CRTAC1: variants seen among roughly 807,000 people sequenced by gnomAD.
CRTAC1 encodes acidic secreted protein in cartilage.
In CRTAC1, 37 loss-of-function variants were observed where a neutral mutation model predicts 67.8. The observed-to-expected ratio is 0.55, with a 90% CI of 0.42 to 0.72. The LOEUF (loss-of-function observed/expected upper bound fraction) is 0.72, where lower values mean the gene tolerates loss of function less well. Ranked by LOEUF, CRTAC1 falls within the 30% of genes least tolerant of loss-of-function variation. CRTAC1 has a pLI of 0.00. For missense variants in CRTAC1, 780 were observed against 931.6 expected, an observed-to-expected ratio of 0.84 and a Z score of 2.12; for synonymous variants, 348 against 371.0, an observed-to-expected ratio of 0.94 and a Z score of 0.71.
At chr10:97,887,931 C>T (rs1354019860) in intron 11 of CRTAC1, among the ~76,000 whole-genome samples, 1 of 152,274 alleles carries the variant, frequency 6.6e-6, no homozygotes, top group Non-Finnish European at 1.5e-5. Context: ...GTACCAAGTG[C>T]TTTATGATGC....
rs910679544 is a variant in CRTAC1, at chr10:97,966,234, C to T, written c.225-29868G>A. Among the ~76,000 whole-genome samples the T allele has an allele frequency of 9.8e-5, 15 of 152,296 alleles. No individual in the cohort carries two copies. The South Asian group carries it at 1.5e-3, about 15-fold the overall frequency. On this transcript the variant is annotated intron_variant, in intron 2 of 14. Transcript: ENST00000370597. ...GCCACTACAGGCATGTGCCACTATACGTGGCTAATTACGGGCATGCGCCAC... is the reference window on the plus strand; with the variant it reads ...GCCACTACAGGCATGTGCCACTATATGTGGCTAATTACGGGCATGCGCCAC...
intron 14 of CRTAC1, among the ~76,000 whole-genome samples, chr10:97,873,060 G>T (rs998912012): frequency 6.6e-6 from 1 of 152,116 alleles, no homozygotes; most frequent in Non-Finnish European, 1.5e-5. Flanking sequence ...TACCTTATAG[G>T]CTCGAGGAAG....
intron 2 of CRTAC1, among the ~76,000 whole-genome samples, chr10:97,940,379 T>C (rs1035267313): frequency 6.6e-6 from 1 of 152,232 alleles, no homozygotes; most frequent in Non-Finnish European, 1.5e-5. Flanking sequence ...TTCTAGAAAT[T>C]CTGGAGGCTT....
At chr10:97,980,945 A>G (rs2051882830) in intron 2 of CRTAC1, among the ~76,000 whole-genome samples, 2 of 152,216 alleles carry the variant, frequency 1.3e-5, no homozygotes, top group African/African-American at 4.8e-5. Flanking sequence ...TTATTGAGGA[A>G]CATGTTTCCA....
intron 14 of CRTAC1, chr10:97,868,177 T>C (rs185490287): frequency 6.6e-5 from 10 of 152,324 alleles, no homozygotes; most frequent in Admixed American, 5.9e-4. Context: ...AGCAGAGTTG[T>C]GTCTTGAATT....
chr10:97,951,290 T>C (rs1278831468), intron 2 of CRTAC1, among the ~76,000 whole-genome samples: 1 of 152,206 alleles, frequency 6.6e-6, no homozygotes, highest in African/African-American at 2.4e-5. Context: ...ACTGGCTATG[T>C]CTTGAGAAAT....
chr10:97,985,609 A>G (rs1172924333), intron 2 of CRTAC1, among the ~76,000 whole-genome samples: 2 of 152,176 alleles, frequency 1.3e-5, no homozygotes, highest in Admixed American at 6.5e-5. Flanking sequence ...GAGCCGGGGC[A>G]TGCATGAGAA....
chr10:97,892,112 G>C (rs2136552248), intron 11 of CRTAC1, among the ~76,000 whole-genome samples: 1 of 152,198 alleles, frequency 6.6e-6, no homozygotes, highest in Admixed American at 6.5e-5. Context: ...TGAGTGTGGG[G>C]AGTAGGTGCC....
chr10:97,919,310 C>CT (rs916836519), intron 4 of CRTAC1, among the ~76,000 whole-genome samples: 2 of 152,060 alleles, frequency 1.3e-5, no homozygotes, highest in African/African-American at 4.8e-5. Flanking sequence ...GGAAGGGCAC[C>CT]TAACTATGGG....
intron 3 of CRTAC1, among the ~76,000 whole-genome samples, chr10:97,931,652 A>G (rs2051005412): frequency 6.6e-6 from 1 of 152,268 alleles, no homozygotes; most frequent in East Asian, 1.9e-4. Flanking sequence ...TGCTCTGCAC[A>G]TAGCAGCTCT....
At chr10:97,933,354 C>T (rs1249845516) in intron 3 of CRTAC1, among the ~76,000 whole-genome samples, 1 of 152,274 alleles carries the variant, frequency 6.6e-6, no homozygotes, top group East Asian at 1.9e-4. Context: ...CACACTTATG[C>T]CCTCGATCTC....
rs939859688 is a variant in CRTAC1, at chr10:97,953,460, G to A, written c.225-17094C>T. Reference sequence around the variant, plus strand: ...GATTTGTAGCCTCGATAAATGGCCAGGAGGCCAGCAGACCCTCAATGGAGG... The same window carrying A: ...GATTTGTAGCCTCGATAAATGGCCAAGAGGCCAGCAGACCCTCAATGGAGG... On this transcript the variant is annotated intron_variant, in intron 2 of 14. Coordinates refer to ENST00000370597, the MANE Select transcript of CRTAC1 (RefSeq NM_018058.7). Among the ~76,000 whole-genome samples the A allele has an allele frequency of 9.2e-5, 14 of 152,270 alleles. No homozygotes were observed. The East Asian group carries it at 2.7e-3, about 29-fold the overall frequency.
chr10:97,886,150 G>T (rs183351026), intron 11 of CRTAC1, among the ~76,000 whole-genome samples: 2 of 152,318 alleles, frequency 1.3e-5, no homozygotes, highest in Non-Finnish European at 2.9e-5. Context: ...GAAGGGAGCC[G>T]GGTGCTGGGG....
intron 5 of CRTAC1, among the ~76,000 whole-genome samples, chr10:97,910,378 A>G (rs964317035): frequency 3.9e-5 from 6 of 152,290 alleles, no homozygotes; most frequent in African/African-American, 1.4e-4. Context: ...CAGTTGCAGG[A>G]ATGTCACCTG....
intron 5 of CRTAC1, among the ~76,000 whole-genome samples, chr10:97,910,257 T>A (rs1041302718): frequency 1.6e-4 from 24 of 152,242 alleles, no homozygotes; most frequent in Admixed American, 1.4e-3. Flanking sequence ...TAGCTCGACT[T>A]AGCCATTCCA....
intron 2 of CRTAC1, among the ~76,000 whole-genome samples, chr10:97,990,059 C>T (rs1283804929): frequency 1.3e-5 from 2 of 152,200 alleles, no homozygotes; most frequent in African/African-American, 2.4e-5. Context: ...TGGTCTTGAA[C>T]ACTTTCAGGT....
chr10:97,999,205 G>A (rs1395565515), intron 2 of CRTAC1, among the ~76,000 whole-genome samples: 5 of 152,204 alleles, frequency 3.3e-5, no homozygotes, highest in African/African-American at 1.2e-4. Context: ...CAGGGGAGAA[G>A]GCATGAGCCC....
At chr10:98,021,769 GT>G (rs1843126074) in intron 1 of CRTAC1, among the ~76,000 whole-genome samples, 1 of 152,150 alleles carries the variant, frequency 6.6e-6, no homozygotes, top group Admixed American at 6.5e-5. Context: ...TCCAGGAGTA[GT>G]TGCCAAATGT....
intron 2 of CRTAC1, among the ~76,000 whole-genome samples, chr10:97,976,337 G>A (rs2051802345): frequency 6.6e-6 from 1 of 152,226 alleles, no homozygotes; most frequent in Non-Finnish European, 1.5e-5. Context: ...ACTGGCTCCA[G>A]GCTGCCTGGG....
Sources: allele counts gnomAD v4.1 joint callset (sites outside exome capture counted in the v4.1 genomes callset), GRCh38; gene constraint gnomAD v4.1.1; transcripts MANE v1.5; gene names NCBI Gene and HGNC (gene_info 2026-07-23, HGNC 2026-07-21).